Variants in RARS2 observed in about 807,000 individuals in gnomAD.
RARS2 encodes the protein arginyl-tRNA synthetase 2, mitochondrial, also known as probable arginine--tRNA ligase, mitochondrial.
A neutral mutation model predicts 88.5 loss-of-function variants in RARS2; 67 were observed. The ratio of observed to expected loss-of-function variants is 0.76; its 90% confidence interval spans 0.62 to 0.93. The LOEUF is 0.93. Among genes scored for constraint, RARS2 ranks in the 40% least tolerant of loss-of-function variants. The pLI is 0.00. For synonymous variants in RARS2, 239 were observed against 230.3 expected (o/e 1.04, Z -0.34); for missense variants, 664 against 684.2 (o/e 0.97, Z 0.33).
Position 87,535,579 on chromosome 6 carries a change from G to C in RARS2, c.613-4637C>G, listed in dbSNP as rs187817767. Reference sequence around the variant, plus strand: ...ACTGTAATTACCTTAAATCCTGCTAGAAAGGGGCAAGGTAGAAATACTGAA... The same window carrying C: ...ACTGTAATTACCTTAAATCCTGCTACAAAGGGGCAAGGTAGAAATACTGAA... On this transcript the variant is annotated intron_variant, in intron 8 of 19. Coordinates refer to ENST00000369536, the MANE Select transcript of RARS2 (RefSeq NM_020320.5). Among the ~76,000 whole-genome samples, 13 of 151,784 alleles carry C rather than the reference G, an allele frequency of 8.6e-5. No homozygotes were observed. In the East Asian group the frequency reaches 2.3e-3, roughly 27 times the overall value.
chr6:87,524,315 T>C (rs182875238), intron 11 of RARS2, among the ~76,000 whole-genome samples: 2 of 152,328 alleles, frequency 1.3e-5, no homozygotes, highest in Non-Finnish European at 1.5e-5. Flanking sequence ...TATGTGCATG[T>C]AAGATGTTCT....
chr6:87,589,312 G>C, intron 1 of RARS2, among the ~76,000 whole-genome samples: 1 of 152,156 alleles, frequency 6.6e-6, no homozygotes, highest in East Asian at 1.9e-4. Flanking sequence ...GGAGTTTGAG[G>C]CCTGCCTGGG....
At chr6:87,571,306 T>C (rs976868752) in intron 1 of RARS2, among the ~76,000 whole-genome samples, 1 of 152,190 alleles carries the variant, frequency 6.6e-6, no homozygotes, top group Non-Finnish European at 1.5e-5. Context: ...CTTCCCCTTC[T>C]GCAACGATTG....
At chr6:87,544,223 G>C (rs891387341) in intron 7 of RARS2, among the ~76,000 whole-genome samples, 1 of 152,218 alleles carries the variant, frequency 6.6e-6, no homozygotes, top group Non-Finnish European at 1.5e-5. Context: ...TCTGACTATT[G>C]AGCCTAGGGC....
chr6:87,548,410 T>C (rs2128126305), intron 6 of RARS2, among the ~76,000 whole-genome samples, 181 bp downstream of exon 6: 1 of 152,366 alleles, frequency 6.6e-6, no homozygotes, highest in South Asian at 2.1e-4. Context: ...GAAATCAATT[T>C]TGTGTTTCCA....
In RARS2 at chr6:87,518,833, G is replaced by C; in HGVS notation, c.1296C>G (p.Leu432=). The change falls in exon 15 of 20, where the codon CTC becomes CTG. Residue 432 remains leucine, a synonymous_variant. Transcript: ENST00000369536. ...AGGAGTCTTAACAGACCTGAATAAT[G>C]AGTGCTGCGAGCCCGACCCTCTCTG... ...ETAERVGLAA[L]IIQDFKGLLL... is the part of the protein sequence containing the mutation. 6.2e-7 allele frequency: 1 copy of C among 1,614,086 alleles called. No individual in the cohort carries two copies. The highest frequency in any genetic ancestry group is 8.5e-7 in the Non-Finnish European group (1 of 1,179,954).
At chr6:87,540,945 A>G (rs555177462) in intron 8 of RARS2, among the ~76,000 whole-genome samples, 3 of 152,220 alleles carry the variant, frequency 2.0e-5, no homozygotes, top group East Asian at 3.9e-4. Context: ...CACACCAGAA[A>G]AAGAACAAAA....
At chr6:87,547,632 AAT>A (rs1782975256) in intron 6 of RARS2, among the ~76,000 whole-genome samples, 1 of 152,002 alleles carries the variant, frequency 6.6e-6, no homozygotes, top group Non-Finnish European at 1.5e-5. Context: ...TATTTATTGA[AAT>A]AGTCTTTTTT....
chr6:87,539,507 C>A (rs1377766387), intron 8 of RARS2, among the ~76,000 whole-genome samples: 1 of 152,206 alleles, frequency 6.6e-6, no homozygotes, highest in East Asian at 1.9e-4. Flanking sequence ...GTTCCTCTTC[C>A]TTATTTGGAG....
chr6:87,539,054 AAATG>A (rs1190341916), intron 8 of RARS2, among the ~76,000 whole-genome samples: 1 of 151,538 alleles, frequency 6.6e-6, no homozygotes, highest in East Asian at 1.9e-4. Flanking sequence ...ATAAATAAAT[AAATG>A]AATAAATAAA....
intron 8 of RARS2, among the ~76,000 whole-genome samples, chr6:87,532,962 C>G (rs949246310): frequency 1.3e-5 from 2 of 152,106 alleles, no homozygotes; most frequent in African/African-American, 4.8e-5. Flanking sequence ...GCTTAACGGT[C>G]CAGTATACAG....
chr6:87,582,836 C>A (rs77485367), intron 1 of RARS2, among the ~76,000 whole-genome samples: 10,745 of 152,206 alleles, frequency 0.071, 412 homozygotes, highest in East Asian at 0.095. Context: ...TCAAGAAAGC[C>A]GGTCTTCCTG....
chr6:87,564,691 T>TA, intron 2 of RARS2: 2 of 246,328 alleles, frequency 8.1e-6, no homozygotes, highest in Non-Finnish European at 8.0e-6. Flanking sequence ...TAAAATAAAA[T>TA]AAATAAATAA....
intron 10 of RARS2, among the ~76,000 whole-genome samples, chr6:87,525,327 GC>G (rs1775312701): frequency 6.6e-6 from 1 of 152,010 alleles, no homozygotes; most frequent in Admixed American, 6.6e-5. Flanking sequence ...AAACAATTAG[GC>G]AAGAAACAAA....
intron 5 of RARS2, among the ~76,000 whole-genome samples, chr6:87,552,083 G>A (rs1784518300): frequency 6.6e-6 from 1 of 152,082 alleles, no homozygotes; most frequent in Non-Finnish European, 1.5e-5. Context: ...CAGGGAGGCA[G>A]TAAAAGTTAA....
intron 8 of RARS2, among the ~76,000 whole-genome samples, chr6:87,534,048 C>T (rs542550703): frequency 8.5e-5 from 13 of 152,122 alleles, no homozygotes; most frequent in African/African-American, 2.9e-4. Context: ...TAGAAAAGAA[C>T]ATGTAAAAAT....
intron 1 of RARS2, 56 bp downstream of exon 1, chr6:87,589,866 G>A (rs2128238087): frequency 2.5e-6 from 4 of 1,614,118 alleles, no homozygotes; most frequent in Non-Finnish European, 3.4e-6. Flanking sequence ...AGCGGTGAAA[G>A]GCCTTTGGGG....
At chr6:87,588,167 G>A (rs772110236) in intron 1 of RARS2, among the ~76,000 whole-genome samples, 13 of 152,084 alleles carry the variant, frequency 8.5e-5, no homozygotes, top group Non-Finnish European at 1.6e-4. Context: ...GGCTAAGAAT[G>A]GAAAACGTCC....
At chr6:87,565,305 AAAG>A (rs1248767184) in intron 2 of RARS2, among the ~76,000 whole-genome samples, 1 of 152,322 alleles carries the variant, frequency 6.6e-6, no homozygotes, top group Non-Finnish European at 1.5e-5. Context: ...AACATGAGAA[AAAG>A]AAGAATATTC....
Sources: allele counts gnomAD v4.1 joint callset (sites outside exome capture counted in the v4.1 genomes callset), GRCh38; gene constraint gnomAD v4.1.1; transcripts MANE v1.5; gene names NCBI Gene and HGNC (gene_info 2026-07-23, HGNC 2026-07-21).